ILRUN: variants seen among roughly 807,000 people sequenced by gnomAD.
The protein encoded by ILRUN is inflammation and lipid regulator with UBA-like and NBR1-like domains.
A neutral mutation model predicts 33.8 loss-of-function variants in ILRUN; 3 were observed. The observed-to-expected ratio is 0.09, with a 90% confidence interval of 0.04 to 0.23. The LOEUF is 0.23. Among genes scored for constraint, ILRUN ranks in the 10% least tolerant of loss-of-function variants. The pLI is 1.00. For missense variants in ILRUN, 210 were observed against 375.1 expected, an observed-to-expected ratio of 0.56 and a Z score of 3.64; for synonymous variants, 124 against 138.9, an observed-to-expected ratio of 0.89 and a Z score of 0.75.
At chr6:34,670,070 C>T (rs1411127780) in intron 1 of ILRUN, among the ~76,000 whole-genome samples, 4 of 152,104 alleles carry the variant, frequency 2.6e-5, no homozygotes, top group Admixed American at 2.6e-4. Context: ...CACTACCACA[C>T]CCAGCTAATT....
intron 1 of ILRUN, among the ~76,000 whole-genome samples, chr6:34,674,421 T>C (rs898631408): frequency 6.6e-6 from 1 of 152,200 alleles, no homozygotes; most frequent in African/African-American, 2.4e-5. Context: ...AGACAGTAAC[T>C]TGCCATATGT....
At chr6:34,673,908 C>CAT (rs1225616631) in intron 1 of ILRUN, among the ~76,000 whole-genome samples, 1 of 149,780 alleles carries the variant, frequency 6.7e-6, no homozygotes, top group African/African-American at 2.5e-5. Context: ...ACCACATACA[C>CAT]ACACACACAC....
chr6:34,671,292 G>A (rs1253309716), intron 1 of ILRUN, among the ~76,000 whole-genome samples: 17 of 152,150 alleles, frequency 1.1e-4, no homozygotes, highest in Admixed American at 4.6e-4. Flanking sequence ...AGGCTGACGC[G>A]GGGGTATCAA....
At chr6:34,626,940 G>A (rs574541732) in intron 3 of ILRUN, among the ~76,000 whole-genome samples, 5 of 152,140 alleles carry the variant, frequency 3.3e-5, no homozygotes, top group African/African-American at 9.6e-5. Flanking sequence ...GGGAGGCAGA[G>A]GTTGCAGTGA....
At chr6:34,650,395 T>G (rs1270325514) in intron 2 of ILRUN, among the ~76,000 whole-genome samples, 1 of 146,120 alleles carries the variant, frequency 6.8e-6, no homozygotes, top group Non-Finnish European at 1.5e-5. Context: ...GAGCTTAATT[T>G]TATTTATTTA....
Position 34,635,836 on chromosome 6 carries a change from G to A in ILRUN, c.511+10765C>T, listed in dbSNP as rs529833140. 8.5e-5 allele frequency among the ~76,000 whole-genome samples: 13 copies of A among 152,100 alleles called. No individual in the cohort carries two copies. In the East Asian group the frequency reaches 2.1e-3, roughly 25 times the overall value. On this transcript the variant is annotated intron_variant, in intron 3 of 4. Transcript: ENST00000374023. ...GGGGTTTCACCATGTTGGACAGGCTGGTCTTGAACTCCTGACCTCTGGTGA... is the reference window on the plus strand; with the variant it reads ...GGGGTTTCACCATGTTGGACAGGCTAGTCTTGAACTCCTGACCTCTGGTGA...
intron 3 of ILRUN, among the ~76,000 whole-genome samples, chr6:34,629,853 C>T (rs1372694640): frequency 6.6e-6 from 1 of 152,108 alleles, no homozygotes; most frequent in East Asian, 1.9e-4. Context: ...CTTCCTTATC[C>T]ATGGAAAATA....
chr6:34,678,664 G>GGT (rs760897173), intron 1 of ILRUN, among the ~76,000 whole-genome samples: 47 of 151,508 alleles, frequency 3.1e-4, no homozygotes, highest in Non-Finnish European at 4.6e-4. Flanking sequence ...TGGCTAACAC[G>GGT]GTGAAACCCC....
At chr6:34,650,898 A>C (rs142736486) in intron 2 of ILRUN, among the ~76,000 whole-genome samples, 2 of 152,306 alleles carry the variant, frequency 1.3e-5, no homozygotes, top group East Asian at 3.9e-4. Context: ...AAGTGCCATA[A>C]AAATTATTAT....
intron 1 of ILRUN, among the ~76,000 whole-genome samples, chr6:34,662,842 CA>C (rs1441702639): frequency 7.2e-5 from 11 of 152,112 alleles, no homozygotes; most frequent in Admixed American, 1.3e-4. Flanking sequence ...TTTGGGAGGC[CA>C]AGGCAGGAGG....
chr6:34,651,747 AAT>A (rs1473662593), intron 2 of ILRUN, among the ~76,000 whole-genome samples: 1 of 139,892 alleles, frequency 7.1e-6, no homozygotes, highest in Admixed American at 7.1e-5. Context: ...AAAAAAAAAA[AAT>A]TATATATATA....
At chr6:34,688,999 T>TA (rs1763589058) in intron 1 of ILRUN, among the ~76,000 whole-genome samples, 1 of 151,670 alleles carries the variant, frequency 6.6e-6, no homozygotes, top group Non-Finnish European at 1.5e-5. Flanking sequence ...GGTACATACA[T>TA]AGAGACAGAA....
chr6:34,693,629 A>C (rs528105155), intron 1 of ILRUN, among the ~76,000 whole-genome samples: 16 of 151,594 alleles, frequency 1.1e-4, no homozygotes, highest in Non-Finnish European at 2.4e-4. Context: ...TTTGAGCATA[A>C]GTTTTTTATA....
At chr6:34,591,615 T>A (rs888069446) in intron 4 of ILRUN, among the ~76,000 whole-genome samples, 1 of 151,644 alleles carries the variant, frequency 6.6e-6, no homozygotes, top group Non-Finnish European at 1.5e-5. Context: ...TTCTCCTGCC[T>A]CAGCCTCCCA....
At chr6:34,612,880 A>C (rs1251154068) in intron 3 of ILRUN, among the ~76,000 whole-genome samples, 3 of 152,130 alleles carry the variant, frequency 2.0e-5, no homozygotes, top group Non-Finnish European at 4.4e-5. Flanking sequence ...ATCTCTACTA[A>C]AAATACAAAA....
chr6:34,602,821 G>A (rs967304205), intron 4 of ILRUN, among the ~76,000 whole-genome samples: 5 of 152,178 alleles, frequency 3.3e-5, no homozygotes, highest in African/African-American at 4.8e-5. Context: ...GCCCCTTTGC[G>A]TTGTGGGATG....
At chr6:34,691,062 G>A (rs1163368930) in intron 1 of ILRUN, among the ~76,000 whole-genome samples, 1 of 151,210 alleles carries the variant, frequency 6.6e-6, no homozygotes, top group Non-Finnish European at 1.5e-5. Flanking sequence ...TTTTTTTTTT[G>A]TATTTTTAGT....
chr6:34,641,931 T>C (rs935212456), intron 3 of ILRUN, among the ~76,000 whole-genome samples: 2 of 152,204 alleles, frequency 1.3e-5, no homozygotes, highest in Non-Finnish European at 2.9e-5. Context: ...CAACTTCTTT[T>C]TGCATCAAAG....
chr6:34,612,081 C>T (rs1761766680), intron 3 of ILRUN, among the ~76,000 whole-genome samples: 2 of 152,056 alleles, frequency 1.3e-5, no homozygotes, highest in South Asian at 4.1e-4. Context: ...AAATGGAGAC[C>T]CTGATTCTAA....
Sources: allele counts gnomAD v4.1 joint callset (sites outside exome capture counted in the v4.1 genomes callset), GRCh38; gene constraint gnomAD v4.1.1; transcripts MANE v1.5; gene names NCBI Gene and HGNC (gene_info 2026-07-23, HGNC 2026-07-21).